The following DSCAM variants were observed in gnomAD, a reference collection of about 807,000 sequenced individuals.
The protein encoded by DSCAM is cell adhesion molecule DSCAM.
Under a neutral mutation model 217.7 loss-of-function variants are expected in DSCAM, and 47 were observed. The ratio of observed to expected loss-of-function variants is 0.22; its 90% confidence interval spans 0.17 to 0.28. DSCAM has a LOEUF of 0.28. DSCAM is among the 10% of genes least tolerant of loss of function. The pLI, the probability that DSCAM is intolerant of heterozygous loss-of-function variation, is 1.00. For synonymous variants in DSCAM, 1,056 were observed against 1,015.3 expected, an observed-to-expected ratio of 1.04 and a Z score of -0.76; for missense variants, 2,080 against 2,618.3, an observed-to-expected ratio of 0.79 and a Z score of 4.49.
chr21:40,272,594 G>C (rs1486096231), intron 11 of DSCAM, among the ~76,000 whole-genome samples: 1 of 152,136 alleles, frequency 6.6e-6, no homozygotes, highest in Non-Finnish European at 1.5e-5. Context: ...CTCTGTGCAG[G>C]GTTCGCAGGA....
At chr21:40,307,410 A>G (rs1194709933) in intron 9 of DSCAM, among the ~76,000 whole-genome samples, 1 of 152,172 alleles carries the variant, frequency 6.6e-6, no homozygotes, top group Admixed American at 6.5e-5. Context: ...TTAGAATGGC[A>G]ATCGTTAAAA....
At chr21:40,472,021 C>T (rs2075893422) in intron 3 of DSCAM, among the ~76,000 whole-genome samples, 1 of 152,124 alleles carries the variant, frequency 6.6e-6, no homozygotes, top group African/African-American at 2.4e-5. Flanking sequence ...TCAATTCCCA[C>T]CTATGAGTGA....
rs201740741 is a variant in DSCAM at position 40,385,795 on chromosome 21, AT to A, written c.509-16551del. 7.3e-3 allele frequency among the ~76,000 whole-genome samples: 1,109 copies of A among 152,154 alleles called. 12 individuals are homozygous for A. The highest frequency in any genetic ancestry group is 9.4e-3 in the Admixed American group (144 of 15,288). On this transcript the variant is annotated intron_variant, in intron 3 of 32. Transcript: ENST00000400454. ...GTCTTTTCTTCAAAACTTTATATATATTTTTTTAAGAAGAAAAATCTGATAA... is the reference window on the plus strand; with the variant it reads ...GTCTTTTCTTCAAAACTTTATATATATTTTTTAAGAAGAAAAATCTGATAA...
At chr21:40,529,975 G>A (rs550765476) in intron 3 of DSCAM, among the ~76,000 whole-genome samples, 1 of 152,286 alleles carries the variant, frequency 6.6e-6, no homozygotes, top group East Asian at 1.9e-4. Context: ...CAATTTCTAT[G>A]TCACAGATAT....
At chr21:40,636,719 A>G (rs2089764188) in intron 3 of DSCAM, among the ~76,000 whole-genome samples, 1 of 150,112 alleles carries the variant, frequency 6.7e-6, no homozygotes, top group Non-Finnish European at 1.5e-5. Flanking sequence ...GAAAAAAAAA[A>G]TGCCACGCTA....
rs755396347 is a variant in DSCAM, at chr21:40,189,246, A to C, written c.2357-8T>G. 1 of 1,558,038 alleles carries C rather than the reference A, an allele frequency of 6.4e-7. No individual in the cohort carries two copies. The highest frequency in any genetic ancestry group is 8.7e-7 in the Non-Finnish European group (1 of 1,154,134). Reference sequence around the variant, plus strand: ...ATGTTATCATCGCAGGAACTGAAAAAGCAAAAGGGACACAACTTGTTCAGC... The same window carrying C: ...ATGTTATCATCGCAGGAACTGAAAACGCAAAAGGGACACAACTTGTTCAGC... On this transcript the variant is annotated splice_polypyrimidine_tract_variant and splice_region_variant and intron_variant, in intron 11 of 32. Transcript: ENST00000400454.
At chr21:40,583,522 C>T (rs1361527955) in intron 3 of DSCAM, among the ~76,000 whole-genome samples, 2 of 152,094 alleles carry the variant, frequency 1.3e-5, no homozygotes, top group Admixed American at 6.5e-5. Context: ...CCCACCCTCA[C>T]CTCAACTTTA....
At chr21:40,836,054 C>T (rs1248179789) in intron 1 of DSCAM, among the ~76,000 whole-genome samples, 1 of 152,206 alleles carries the variant, frequency 6.6e-6, no homozygotes, top group Non-Finnish European at 1.5e-5. Context: ...AAGGAATGTG[C>T]AGCATCCCAA....
chr21:40,303,134 T>C (rs2074034868), intron 9 of DSCAM, among the ~76,000 whole-genome samples: 1 of 152,192 alleles, frequency 6.6e-6, no homozygotes, highest in Non-Finnish European at 1.5e-5. Flanking sequence ...TTAGTTGAGA[T>C]GGGACTTGGC....
chr21:40,772,254 C>T (rs2091451809), intron 1 of DSCAM, among the ~76,000 whole-genome samples: 1 of 152,136 alleles, frequency 6.6e-6, no homozygotes, highest in South Asian at 2.1e-4. Flanking sequence ...TTGCTACCTC[C>T]ACCTCCTGGG....
chr21:40,620,026 AAG>A lies in DSCAM; in HGVS notation c.508+72782_508+72783del, dbSNP rs1278050245. ...GAGAGAGAAAAAAGAAAAAGAAAGAAAGAGAGAGAGAAAGAGAGAGAAAAAAG... is the reference window on the plus strand; with the variant it reads ...GAGAGAGAAAAAAGAAAAAGAAAGAAAGAGAGAGAAAGAGAGAGAAAAAAG... On this transcript the variant is annotated intron_variant, in intron 3 of 32. Coordinates refer to ENST00000400454, the MANE Select transcript of DSCAM (RefSeq NM_001389.5). 1.8e-4 allele frequency among the ~76,000 whole-genome samples: 19 copies of A among 108,162 alleles called. 2 individuals carry two copies. The highest frequency in any genetic ancestry group is 2.6e-4 in the African/African-American group (6 of 23,152). 71.0% of individuals were successfully genotyped at this position (108,162 alleles called of 152,430 possible).
At chr21:40,784,156 G>A (rs981812285) in intron 1 of DSCAM, among the ~76,000 whole-genome samples, 3 of 151,712 alleles carry the variant, frequency 2.0e-5, no homozygotes, top group Non-Finnish European at 4.4e-5. Context: ...TCTGCTCTGT[G>A]TCCCCACCCA....
At chr21:40,563,127 T>C (rs534192130) in intron 3 of DSCAM, among the ~76,000 whole-genome samples, 46 of 152,186 alleles carry the variant, frequency 3.0e-4, no homozygotes, top group African/African-American at 9.6e-4. Flanking sequence ...CATCTCAAAA[T>C]GTCAAAACTG....
At chr21:40,352,828 G>A (rs185614218) in intron 5 of DSCAM, among the ~76,000 whole-genome samples, 8 of 152,074 alleles carry the variant, frequency 5.3e-5, no homozygotes, top group African/African-American at 1.2e-4. Context: ...GTGACCCTGC[G>A]ATCACATCCC....
chr21:40,012,869 G>C lies in DSCAM; in HGVS notation c.*165C>G. 8.0e-6 allele frequency: 4 copies of C among 500,206 alleles called. No individual in the cohort carries two copies. Among genetic ancestry groups the C allele is most frequent in the Non-Finnish European group, 1.3e-5 (4 of 319,092 alleles). 31.0% of individuals were successfully genotyped at this position (500,206 alleles called of 1,614,324 possible). ...CTCACACTCAGACAGAAAAAAAGCA[G>C]GAGAGTCTTTGCACTGTCTGTGGTT... On this transcript the variant is annotated 3_prime_UTR_variant, in exon 33 of 33. Coordinates refer to ENST00000400454, the MANE Select transcript of DSCAM (RefSeq NM_001389.5).
intron 1 of DSCAM, among the ~76,000 whole-genome samples, chr21:40,843,771 G>T (rs1432118702): frequency 6.7e-6 from 1 of 150,304 alleles, no homozygotes; most frequent in Non-Finnish European, 1.5e-5. Flanking sequence ...CCTATGAAGG[G>T]CCTGGTCACT....
intron 1 of DSCAM, among the ~76,000 whole-genome samples, chr21:40,767,754 G>A (rs1205041474): frequency 1.3e-5 from 2 of 152,158 alleles, no homozygotes; most frequent in East Asian, 1.9e-4. Flanking sequence ...GCTAATTGAC[G>A]GGATGAATTA....
intron 3 of DSCAM, among the ~76,000 whole-genome samples, chr21:40,593,595 C>A (rs2076999597): frequency 1.3e-5 from 2 of 152,194 alleles, no homozygotes; most frequent in African/African-American, 4.8e-5. Context: ...ATCCACCCAC[C>A]TTGGCCTCCC....
chr21:40,452,267 C>CACACACACACAG (rs1220000705), intron 3 of DSCAM, among the ~76,000 whole-genome samples: 1 of 151,218 alleles, frequency 6.6e-6, no homozygotes, highest in African/African-American at 2.4e-5. Flanking sequence ...CACACACACA[C>CACACACACACAG]AGGTATCCTG....
Sources: gnomAD v4.1 joint callset for allele counts (sites outside exome capture counted in the v4.1 genomes callset) on GRCh38, gnomAD v4.1.1 for gene constraint, MANE v1.5 for transcripts, NCBI Gene and HGNC (gene_info 2026-07-23, HGNC 2026-07-21) for gene names.